SPOCK1: variants seen among roughly 807,000 people sequenced by gnomAD.
SPOCK1 encodes SPARC (osteonectin), cwcv and kazal like domains proteoglycan 1.
SPOCK1 carries 23 observed loss-of-function variants against 55.3 expected under a neutral mutation model. The observed-to-expected ratio is 0.42, with a 90% CI of 0.30 to 0.59. SPOCK1 has a LOEUF of 0.59. Ranked by LOEUF, SPOCK1 falls within the 20% of genes least tolerant of loss-of-function variation. The pLI is 0.22. For synonymous variants in SPOCK1, 226 were observed against 221.0 expected (o/e 1.02, Z -0.20); for missense variants, 499 against 552.5 (o/e 0.90, Z 0.97).
At chr5:137,291,685 A>T (rs1480893441) in intron 2 of SPOCK1, among the ~76,000 whole-genome samples, 1 of 152,252 alleles carries the variant, frequency 6.6e-6, no homozygotes, top group East Asian at 1.9e-4. Flanking sequence ...ATGAAAGCTG[A>T]TGGGAGGCTT....
intron 3 of SPOCK1, among the ~76,000 whole-genome samples, chr5:137,231,095 G>A (rs1756050841): frequency 6.6e-6 from 1 of 151,606 alleles, no homozygotes; most frequent in Non-Finnish European, 1.5e-5. Context: ...CCAGGCTGGA[G>A]TATAATGGCA....
chr5:137,005,907 A>C (rs1751238003), intron 6 of SPOCK1, among the ~76,000 whole-genome samples: 1 of 152,232 alleles, frequency 6.6e-6, no homozygotes, highest in African/African-American at 2.4e-5. Flanking sequence ...GCACAGCATA[A>C]GCTAGGAAAA....
At chr5:137,290,550 T>G (rs1385592981) in intron 2 of SPOCK1, among the ~76,000 whole-genome samples, 1 of 152,226 alleles carries the variant, frequency 6.6e-6, no homozygotes, top group African/African-American at 2.4e-5. Flanking sequence ...GTTACATGGG[T>G]GTGCTCACTT....
At chr5:137,405,865 A>G (rs990266993) in intron 2 of SPOCK1, among the ~76,000 whole-genome samples, 1 of 152,186 alleles carries the variant, frequency 6.6e-6, no homozygotes, top group African/African-American at 2.4e-5. Context: ...AACTCAGACC[A>G]GGCAAACAGA....
At chr5:137,141,607 A>G (rs1217398695) in intron 3 of SPOCK1, among the ~76,000 whole-genome samples, 1 of 152,244 alleles carries the variant, frequency 6.6e-6, no homozygotes, top group Admixed American at 6.5e-5. Context: ...TAAAATGATA[A>G]CAGAGCCCAA....
chr5:137,205,190 T>C (rs1388226980), intron 3 of SPOCK1, among the ~76,000 whole-genome samples: 2 of 152,182 alleles, frequency 1.3e-5, no homozygotes, highest in Non-Finnish European at 2.9e-5. Context: ...AGCACAGAAT[T>C]TGGCATGGTA....
chr5:137,425,885 T>A (rs1362069445), intron 2 of SPOCK1, among the ~76,000 whole-genome samples: 2 of 151,890 alleles, frequency 1.3e-5, no homozygotes, highest in East Asian at 3.9e-4. Flanking sequence ...CAGTACATGC[T>A]TCTAGTTAAA....
At chr5:137,440,824 G>A (rs1246588325) in intron 2 of SPOCK1, among the ~76,000 whole-genome samples, 2 of 152,168 alleles carry the variant, frequency 1.3e-5, no homozygotes, top group East Asian at 3.8e-4. Flanking sequence ...AAATAAGCCT[G>A]TCTAATATGA....
intron 5 of SPOCK1, among the ~76,000 whole-genome samples, chr5:137,093,114 C>T (rs1753078747): frequency 6.6e-6 from 1 of 152,180 alleles, no homozygotes; most frequent in African/African-American, 2.4e-5. Context: ...CTCTTAAAGG[C>T]CCCACCTCTC....
intron 2 of SPOCK1, among the ~76,000 whole-genome samples, chr5:137,472,128 T>C (rs1459216878): frequency 6.6e-6 from 1 of 152,164 alleles, no homozygotes; most frequent in African/African-American, 2.4e-5. Flanking sequence ...TGGGAGGACA[T>C]GCCCGGGGCC....
intron 2 of SPOCK1, among the ~76,000 whole-genome samples, chr5:137,305,756 G>A (rs1757691359): frequency 6.6e-6 from 1 of 152,144 alleles, no homozygotes; most frequent in Non-Finnish European, 1.5e-5. Flanking sequence ...CTTCACTCAA[G>A]GCAGCCAGAG....
In SPOCK1 at chr5:137,003,649, C is replaced by T. The variant is rs149346272; in HGVS notation, c.590-11049G>A. 2.4e-3 allele frequency among the ~76,000 whole-genome samples: 361 copies of T among 152,226 alleles called. 5 individuals are homozygous for T. The highest frequency in any genetic ancestry group is 8.3e-3 in the African/African-American group (345 of 41,534). ...ATGAGCAATTTGTGTCCAGTTTGAC[C>T]TGCTCAGATTCAACATCCAAATCTA... On this transcript the variant is annotated intron_variant, in intron 6 of 10. Transcript: ENST00000394945.
At position 137,049,388 on chromosome 5, in the gene SPOCK1, A is replaced by G. The variant is rs1178902061; in HGVS notation, c.589+18327T>C. Among the ~76,000 whole-genome samples the G allele has an allele frequency of 2.4e-5, 3 of 124,798 alleles. No individual in the cohort carries two copies. In the Admixed American group the frequency reaches 2.6e-4, roughly 11 times the overall value. The allele number at this position is 124,798 out of a possible 152,430, so 81.9% of individuals were successfully genotyped here. ...CTTCCCTTCTCGCTTCATTTCATTC[A>G]TTTCATCTTCCATTGCTGATACCCT... On this transcript the variant is annotated intron_variant, in intron 6 of 10. Coordinates refer to ENST00000394945, the MANE Select transcript of SPOCK1 (RefSeq NM_004598.4).
intron 2 of SPOCK1, among the ~76,000 whole-genome samples, chr5:137,276,242 T>C (rs1416378657): frequency 2.0e-5 from 3 of 152,250 alleles, no homozygotes; most frequent in African/African-American, 7.2e-5. Flanking sequence ...CCCAAAACTC[T>C]GTCCATGCTA....
In SPOCK1 at chr5:137,112,451, T is replaced by C; in HGVS notation, c.458A>G (p.His153Arg). The change falls in exon 5 of 11, where the codon CAC (histidine) becomes CGC (arginine). Residue 153 changes from histidine to arginine, a missense_variant. His to Arg is a conservative substitution (Grantham distance 29). Transcript: ENST00000394945. ...AAAACCAACCTTGGATGTGTAGGAG[T>C]GGCCATCTGAGCCGCAGACCATGGC... Reference protein sequence around the residue: ...QSAMVCGSDGHSYTSKCKLEF... With the variant: ...QSAMVCGSDGRSYTSKCKLEF... The C allele has an allele frequency of 1.2e-6, 2 of 1,613,444 alleles. No homozygotes were observed. Among genetic ancestry groups the C allele is most frequent in the Non-Finnish European group, 1.7e-6 (2 of 1,179,866 alleles).
intron 3 of SPOCK1, among the ~76,000 whole-genome samples, chr5:137,186,858 C>T (rs780350863): frequency 6.6e-6 from 1 of 152,188 alleles, no homozygotes; most frequent in Non-Finnish European, 1.5e-5. Flanking sequence ...ACTGTTCTCA[C>T]CAGAGGACCA....
At chr5:137,220,394 G>A (rs1002476846) in intron 3 of SPOCK1, among the ~76,000 whole-genome samples, 7 of 152,206 alleles carry the variant, frequency 4.6e-5, no homozygotes, top group African/African-American at 1.4e-4. Context: ...GCACCTGGCT[G>A]TGAAGCCATG....
At position 137,486,031 on chromosome 5, in the gene SPOCK1, C is replaced by T. The variant is rs557391747; in HGVS notation, c.186+12342G>A. Among the ~76,000 whole-genome samples, 7 of 152,318 alleles carry T rather than the reference C, an allele frequency of 4.6e-5. No homozygotes were observed. The South Asian group carries it at 1.4e-3, about 32-fold the overall frequency. On this transcript the variant is annotated intron_variant, in intron 2 of 10. Coordinates refer to ENST00000394945, the MANE Select transcript of SPOCK1 (RefSeq NM_004598.4). ...CACACTCCCTACCAATCCAGGGCTG[C>T]TAAGGGCAGGGTATGTTTTCCATAA...
At chr5:137,376,668 G>A (rs938196772) in intron 2 of SPOCK1, among the ~76,000 whole-genome samples, 2 of 152,062 alleles carry the variant, frequency 1.3e-5, no homozygotes, top group Admixed American at 6.6e-5. Context: ...AAGCCTTATG[G>A]GAAAAGTAAC....
Sources: gnomAD v4.1 joint callset for allele counts (sites outside exome capture counted in the v4.1 genomes callset) on GRCh38, gnomAD v4.1.1 for gene constraint, MANE v1.5 for transcripts, NCBI Gene and HGNC (gene_info 2026-07-23, HGNC 2026-07-21) for gene names.